ITFG1: variants seen among roughly 807,000 people sequenced by gnomAD.
The protein encoded by ITFG1 is integrin alpha FG-GAP repeat containing 1.
ITFG1 carries 34 observed loss-of-function variants against 81.8 expected under a neutral mutation model. The observed-to-expected ratio is 0.42, with a 90% CI of 0.32 to 0.55. The LOEUF is 0.55. Among genes scored for constraint, ITFG1 ranks in the 20% least tolerant of loss-of-function variants. The pLI, the probability that ITFG1 is intolerant of heterozygous loss-of-function variation, is 0.17. For missense variants in ITFG1, 672 were observed against 755.4 expected (o/e 0.89, Z 1.29); for synonymous variants, 285 against 270.6 (o/e 1.05, Z -0.52).
intron 6 of ITFG1, among the ~76,000 whole-genome samples, chr16:47,411,035 T>G (rs1252665301): frequency 2.0e-5 from 3 of 152,142 alleles, no homozygotes; most frequent in Non-Finnish European, 4.4e-5. Context: ...GCAGTTCAAG[T>G]GCTTTGCTGC....
chr16:47,266,300 C>T (rs1966274923), intron 10 of ITFG1, among the ~76,000 whole-genome samples: 1 of 152,174 alleles, frequency 6.6e-6, no homozygotes, highest in African/African-American at 2.4e-5. Flanking sequence ...TCACTGCAAC[C>T]TCTGCCTCCC....
At chr16:47,165,132 A>G (rs1268506097) in intron 14 of ITFG1, among the ~76,000 whole-genome samples, 1 of 152,098 alleles carries the variant, frequency 6.6e-6, no homozygotes, top group Non-Finnish European at 1.5e-5. Context: ...ATCTTTCCCT[A>G]TTGTAATTCA....
chr16:47,276,369 A>C (rs951940323), intron 10 of ITFG1, among the ~76,000 whole-genome samples: 3 of 152,218 alleles, frequency 2.0e-5, no homozygotes, highest in Non-Finnish European at 2.9e-5. Flanking sequence ...ATGGCAAAAC[A>C]TTACCAGGGG....
chr16:47,293,833 G>T (rs1417689263), intron 10 of ITFG1, among the ~76,000 whole-genome samples: 2 of 152,006 alleles, frequency 1.3e-5, no homozygotes, highest in African/African-American at 4.8e-5. Context: ...TCACCCTGTT[G>T]ATTATTTCTT....
intron 7 of ITFG1, among the ~76,000 whole-genome samples, chr16:47,375,319 T>G (rs1283931236): frequency 6.6e-6 from 1 of 152,150 alleles, no homozygotes; most frequent in Non-Finnish European, 1.5e-5. Flanking sequence ...AGGTTGTTTA[T>G]TCTTCATTAA....
intron 6 of ITFG1, among the ~76,000 whole-genome samples, chr16:47,386,952 A>T (rs1968470814): frequency 6.6e-6 from 1 of 152,252 alleles, no homozygotes. Context: ...AGGGCTTAAC[A>T]GAGAGAACTA....
At chr16:47,184,615 G>A (rs929464766) in intron 14 of ITFG1, among the ~76,000 whole-genome samples, 1 of 151,808 alleles carries the variant, frequency 6.6e-6, no homozygotes, top group Non-Finnish European at 1.5e-5. Flanking sequence ...CCCTAAAAGA[G>A]CTCCTGAAGG....
chr16:47,344,937 A>G (rs1356874677), intron 8 of ITFG1, among the ~76,000 whole-genome samples: 1 of 152,228 alleles, frequency 6.6e-6, no homozygotes, highest in Non-Finnish European at 1.5e-5. Flanking sequence ...TCTACTGTGT[A>G]TAAGTACCAC....
At position 47,461,055 on chromosome 16, in the gene ITFG1, T is replaced by TCAGCCCCC; in HGVS notation, c.-18_-11dup. The TCAGCCCCC allele has an allele frequency of 6.5e-7, 1 of 1,529,880 alleles. No individual in the cohort carries two copies. The allele number at this position is 1,529,880 out of a possible 1,614,324, so 94.8% of individuals were successfully genotyped here. On this transcript the variant is annotated 5_prime_UTR_variant, in exon 1 of 18. Transcript: ENST00000320640. ...GGCCCGCCGCCGCCATGGCAGCCCCTCAGCCCCCGCCCGCCGGCCCAACGC... is the reference window on the plus strand; with the variant it reads ...GGCCCGCCGCCGCCATGGCAGCCCCTCAGCCCCCCAGCCCCCGCCCGCCGGCCCAACGC...
chr16:47,162,426 A>G, intron 15 of ITFG1, 114 bp downstream of exon 15: 1 of 936,106 alleles, frequency 1.1e-6, no homozygotes, highest in Non-Finnish European at 1.5e-6. Flanking sequence ...GGGAATAAAA[A>G]TATTTGGTTT....
chr16:47,323,142 G>A lies in ITFG1; in HGVS notation c.803-9319C>T, dbSNP rs1967474083. On this transcript the variant is annotated intron_variant, in intron 8 of 17. Coordinates refer to ENST00000320640, the MANE Select transcript of ITFG1 (RefSeq NM_030790.5). ...TCCAAAACTCATGTTGAAATTTAAT[G>A]CCTAATGAGGCACTATTGAGAAGTG... Among the ~76,000 whole-genome samples, 2 of 152,018 alleles carry A rather than the reference G, an allele frequency of 1.3e-5. 1 individual carries two copies. Among genetic ancestry groups the A allele is most frequent in the Admixed American group, 1.3e-4 (2 of 15,272 alleles).
intron 17 of ITFG1, among the ~76,000 whole-genome samples, chr16:47,157,915 A>G (rs1419659403): frequency 3.9e-5 from 6 of 152,186 alleles, no homozygotes; most frequent in Admixed American, 3.9e-4. Context: ...ATATAAATAG[A>G]AACTAGCTTT....
intron 5 of ITFG1, among the ~76,000 whole-genome samples, chr16:47,442,730 C>T (rs1969269921): frequency 6.6e-6 from 1 of 152,158 alleles, no homozygotes; most frequent in Non-Finnish European, 1.5e-5. Flanking sequence ...CCCTTCCTTA[C>T]ACCTTATACA....
At chr16:47,242,849 T>C (rs1275270522) in intron 12 of ITFG1, among the ~76,000 whole-genome samples, 1 of 152,178 alleles carries the variant, frequency 6.6e-6, no homozygotes, top group Admixed American at 6.5e-5. Flanking sequence ...TCAGGTGAAC[T>C]GGGTTAGTAA....
At chr16:47,206,398 T>C (rs923559607) in intron 14 of ITFG1, among the ~76,000 whole-genome samples, 1 of 152,220 alleles carries the variant, frequency 6.6e-6, no homozygotes, top group Non-Finnish European at 1.5e-5. Context: ...CCATAAAATG[T>C]ACCTTTAATG....
At chr16:47,450,549 C>A in intron 5 of ITFG1, 1 of 229,030 alleles carries the variant, frequency 4.4e-6, no homozygotes, top group South Asian at 4.0e-5. Context: ...CTACAAATCA[C>A]ATTTCAAAAA....
At chr16:47,356,755 T>C (rs1567472688) in intron 8 of ITFG1, among the ~76,000 whole-genome samples, 2 of 152,174 alleles carry the variant, frequency 1.3e-5, no homozygotes, top group Non-Finnish European at 2.9e-5. Flanking sequence ...ATGGGGCATT[T>C]ACACAGAGTG....
chr16:47,419,411 A>C (rs1188869700), intron 6 of ITFG1, among the ~76,000 whole-genome samples: 1 of 151,966 alleles, frequency 6.6e-6, no homozygotes, highest in Admixed American at 6.6e-5. Context: ...TGGGACTGCA[A>C]GAGCATGCCA....
At chr16:47,204,775 G>A (rs1299900211) in intron 14 of ITFG1, among the ~76,000 whole-genome samples, 1 of 152,186 alleles carries the variant, frequency 6.6e-6, no homozygotes, top group Non-Finnish European at 1.5e-5. Flanking sequence ...CCCAGTCTTT[G>A]TGGCATTTTA....
Sources: gnomAD v4.1 joint callset for allele counts (sites outside exome capture counted in the v4.1 genomes callset) on GRCh38, gnomAD v4.1.1 for gene constraint, MANE v1.5 for transcripts, NCBI Gene and HGNC (gene_info 2026-07-23, HGNC 2026-07-21) for gene names.